PRKG1: variants seen among roughly 807,000 people sequenced by gnomAD.
PRKG1 encodes protein kinase cGMP-dependent 1.
A neutral mutation model predicts 88.1 loss-of-function variants in PRKG1; 35 were observed. That is an observed-to-expected ratio of 0.40 (90% CI 0.30 to 0.53). The LOEUF is 0.53. PRKG1 is among the 20% of genes least tolerant of loss of function. PRKG1 has a pLI of 0.59. For missense variants in PRKG1, 540 were observed against 839.8 expected (o/e 0.64, Z 4.41); for synonymous variants, 303 against 292.5 (o/e 1.04, Z -0.37).
chr10:52,027,213 A>C (rs1171117461), intron 5 of PRKG1, among the ~76,000 whole-genome samples: 1 of 152,164 alleles, frequency 6.6e-6, no homozygotes, highest in Non-Finnish European at 1.5e-5. Flanking sequence ...CTTGTTACCT[A>C]ACCTGGGTGC....
At position 51,463,290 on chromosome 10, in the gene PRKG1, A is replaced by T. The variant is rs142557916; in HGVS notation, c.479-4433A>T. Among the ~76,000 whole-genome samples, 975 of 152,310 alleles carry T rather than the reference A, an allele frequency of 6.4e-3. 6 individuals carry two copies. Among genetic ancestry groups the T allele is most frequent in the Non-Finnish European group, 0.01 (692 of 68,030 alleles). ...ATTTCTAAAGTTAGTAGCAAACTGT[A>T]ATATATAAAAACCTCCAAACTGAGC... On this transcript the variant is annotated intron_variant, in intron 2 of 17. Transcript: ENST00000373980.
intron 2 of PRKG1, among the ~76,000 whole-genome samples, chr10:51,169,189 C>G (rs892835929): frequency 4.6e-5 from 7 of 152,112 alleles, no homozygotes; most frequent in Admixed American, 6.6e-5. Context: ...TTTGAAGTCT[C>G]AGTACAATAA....
At chr10:51,736,798 T>C (rs976778183) in intron 3 of PRKG1, among the ~76,000 whole-genome samples, 3 of 151,792 alleles carry the variant, frequency 2.0e-5, no homozygotes, top group Admixed American at 2.0e-4. Context: ...CTGGCTAATT[T>C]TAACTTTTTT....
intron 1 of PRKG1, among the ~76,000 whole-genome samples, chr10:51,029,112 G>T (rs528563751): frequency 1.3e-5 from 2 of 152,190 alleles, no homozygotes; most frequent in South Asian, 2.1e-4. Context: ...GCAGTGTAAG[G>T]TTACAAAAAG....
intron 1 of PRKG1, among the ~76,000 whole-genome samples, chr10:51,030,790 C>G (rs1843272435): frequency 6.6e-6 from 1 of 152,130 alleles, no homozygotes; most frequent in Non-Finnish European, 1.5e-5. Context: ...CTTTGCCTTT[C>G]CACCATGATT....
chr10:51,151,581 T>C (rs1589196898), intron 1 of PRKG1, among the ~76,000 whole-genome samples: 1 of 144,196 alleles, frequency 6.9e-6, no homozygotes, highest in East Asian at 2.0e-4. Context: ...TTTTTTTTTT[T>C]AACATTTTAG....
At chr10:52,220,631 A>G (rs893871689) in intron 9 of PRKG1, among the ~76,000 whole-genome samples, 1 of 151,930 alleles carries the variant, frequency 6.6e-6, no homozygotes, top group African/African-American at 2.4e-5. Context: ...ATGTATTCTC[A>G]TCATTTAGCT....
At chr10:52,085,921 G>A (rs1254317096) in intron 7 of PRKG1, among the ~76,000 whole-genome samples, 1 of 151,916 alleles carries the variant, frequency 6.6e-6, no homozygotes, top group Non-Finnish European at 1.5e-5. Flanking sequence ...CAAAAATCTA[G>A]TAAAAAAAGT....
At chr10:51,374,071 G>A (rs564361182) in intron 2 of PRKG1, among the ~76,000 whole-genome samples, 5 of 82,344 alleles carry the variant, frequency 6.1e-5, no homozygotes, top group African/African-American at 2.2e-4. Flanking sequence ...GAACCTGGCT[G>A]GCAGAGGTTG....
At chr10:51,931,254 G>A (rs1485485970) in intron 5 of PRKG1, among the ~76,000 whole-genome samples, 1 of 152,056 alleles carries the variant, frequency 6.6e-6, no homozygotes, top group East Asian at 1.9e-4. Flanking sequence ...AATGTACCAG[G>A]GGTCAATTCA....
At chr10:52,074,201 G>A (rs576247158) in intron 7 of PRKG1, among the ~76,000 whole-genome samples, 1 of 152,282 alleles carries the variant, frequency 6.6e-6, no homozygotes, top group East Asian at 1.9e-4. Context: ...AGTAAGTTGG[G>A]AAATTGGTTT....
intron 1 of PRKG1, among the ~76,000 whole-genome samples, chr10:50,998,605 A>T: frequency 6.6e-6 from 1 of 152,082 alleles, no homozygotes; most frequent in Non-Finnish European, 1.5e-5. Flanking sequence ...AAAATTAGCC[A>T]GGCATGGTGG....
chr10:51,295,074 C>T (rs1004030645), intron 2 of PRKG1, among the ~76,000 whole-genome samples: 1 of 151,772 alleles, frequency 6.6e-6, no homozygotes, highest in Non-Finnish European at 1.5e-5. Flanking sequence ...CAGTGCAAGA[C>T]CCTGTCTCTA....
intron 3 of PRKG1, among the ~76,000 whole-genome samples, chr10:51,570,067 A>ATATATATATATATATATATGTG (rs1491310201): frequency 4.2e-4 from 47 of 113,108 alleles, no homozygotes; most frequent in South Asian, 8.3e-4. Context: ...ATATATATAT[A>ATATATATATATATATATATGTG]TGTGTGTGTG....
At chr10:52,095,967 C>T (rs2133331619) in intron 7 of PRKG1, among the ~76,000 whole-genome samples, 1 of 152,250 alleles carries the variant, frequency 6.6e-6, no homozygotes, top group South Asian at 2.1e-4. Flanking sequence ...AGTGATTCCC[C>T]AGACAGGTAG....
Position 51,338,812 on chromosome 10 carries a change from AG to A in PRKG1, c.479-128908del, listed in dbSNP as rs577056543. 1.4e-3 allele frequency among the ~76,000 whole-genome samples: 219 copies of A among 152,370 alleles called. 2 individuals are homozygous for A. Among genetic ancestry groups the A allele is most frequent in the Admixed American group, 3.6e-3 (55 of 15,304 alleles). On this transcript the variant is annotated intron_variant, in intron 2 of 17. Transcript: ENST00000373980. Reference sequence around the variant, plus strand: ...ATTACCTGAGGTTGAAATATTTAATAGGGTACAGGATTTTGTTCCTACTTTT... The same window carrying A: ...ATTACCTGAGGTTGAAATATTTAATAGGTACAGGATTTTGTTCCTACTTTT...
chr10:51,907,680 T>A (rs1842116010), intron 5 of PRKG1, 110 bp downstream of exon 5: 5 of 986,496 alleles, frequency 5.1e-6, no homozygotes, highest in East Asian at 2.5e-5. Context: ...CTTTAAAAAA[T>A]TTCTAAGCTC....
chr10:51,659,632 G>A (rs896581010), intron 3 of PRKG1, among the ~76,000 whole-genome samples: 1 of 152,118 alleles, frequency 6.6e-6, no homozygotes, highest in Admixed American at 6.6e-5. Context: ...AGCTGTAGCA[G>A]TGAATTATCT....
intron 2 of PRKG1, among the ~76,000 whole-genome samples, chr10:51,193,857 C>A (rs1488236019): frequency 6.6e-6 from 1 of 152,084 alleles, no homozygotes; most frequent in East Asian, 1.9e-4. Flanking sequence ...ACATTTGTGC[C>A]TATAATCACA....
Sources: gnomAD v4.1 joint callset for allele counts (sites outside exome capture counted in the v4.1 genomes callset) on GRCh38, gnomAD v4.1.1 for gene constraint, MANE v1.5 for transcripts, NCBI Gene and HGNC (gene_info 2026-07-23, HGNC 2026-07-21) for gene names.